Variants in RBPMS observed in about 807,000 individuals in gnomAD.
RBPMS encodes the protein RNA binding protein, mRNA processing factor, also known as RNA-binding protein with multiple splicing.
Under a neutral mutation model 26.8 loss-of-function variants are expected in RBPMS, and 7 were observed. That is an observed-to-expected ratio of 0.26 (90% CI 0.15 to 0.49). The LOEUF (loss-of-function observed/expected upper bound fraction) is 0.49, where lower values mean the gene tolerates loss of function less well. Among genes scored for constraint, RBPMS ranks in the 20% least tolerant of loss-of-function variants. The probability of loss-of-function intolerance (pLI) is 0.98; values close to 1 mark genes in which losing one functional copy is unlikely to be tolerated. For synonymous variants in RBPMS, 96 were observed against 93.3 expected (o/e 1.03, Z -0.17); for missense variants, 186 against 250.0 (o/e 0.74, Z 1.73).
chr8:30,412,954 C>G (rs1228883648), intron 1 of RBPMS, among the ~76,000 whole-genome samples: 1 of 152,172 alleles, frequency 6.6e-6, no homozygotes, highest in Non-Finnish European at 1.5e-5. Context: ...GCTGGAAGGT[C>G]ACCCAAGAAC....
intron 4 of RBPMS, among the ~76,000 whole-genome samples, chr8:30,498,356 A>G (rs1430497042): frequency 2.0e-5 from 3 of 152,186 alleles, no homozygotes; most frequent in Non-Finnish European, 4.4e-5. Flanking sequence ...CAATATTTAT[A>G]ATATATATTC....
intron 1 of RBPMS, among the ~76,000 whole-genome samples, chr8:30,414,986 C>T (rs1809892207): frequency 6.6e-6 from 1 of 152,138 alleles, no homozygotes; most frequent in African/African-American, 2.4e-5. Context: ...CTTCATTTCT[C>T]GTGGTCCTGC....
intron 1 of RBPMS, among the ~76,000 whole-genome samples, chr8:30,445,926 A>G (rs775509563): frequency 1.8e-4 from 28 of 152,016 alleles, no homozygotes; most frequent in Non-Finnish European, 3.5e-4. Context: ...CAGCCTCCCA[A>G]AGTGCTGGGA....
At chr8:30,539,511 C>T (rs1166871123) in intron 5 of RBPMS, among the ~76,000 whole-genome samples, 1 of 151,960 alleles carries the variant, frequency 6.6e-6, no homozygotes, top group African/African-American at 2.4e-5. Context: ...AGAATTAATC[C>T]TCAGTCTGGC....
At position 30,544,586 on chromosome 8, in the gene RBPMS, C is replaced by T. The variant is rs774911144; in HGVS notation, c.490C>T (p.Pro164Ser). 3.2e-5 allele frequency: 52 copies of T among 1,614,082 alleles called. No homozygotes were observed. The Admixed American group carries it at 7.5e-4, about 23-fold the overall frequency. The change falls in exon 6 of 9, where the codon CCT becomes TCT. Residue 164 changes from proline to serine, a missense_variant. Around this residue, in one of 3 missense-constraint regions of RBPMS, gnomAD observed 98 missense variants for 113.6 expected, o/e 0.86. Transcript: ENST00000397323. ...YPAELAPALP[P>S]PAFTYPASLH... ...AGCGGAGTTAGCGCCTGCTCTACCT[C>T]CTCCTGCTTTCACCTATCCCGCTTC...
intron 1 of RBPMS, among the ~76,000 whole-genome samples, chr8:30,448,878 C>G (rs1026298985): frequency 6.6e-6 from 1 of 152,204 alleles, no homozygotes; most frequent in Non-Finnish European, 1.5e-5. Flanking sequence ...CATTTCTTTT[C>G]TATGTCCAGA....
intron 1 of RBPMS, among the ~76,000 whole-genome samples, chr8:30,415,803 G>A (rs957743998): frequency 6.6e-6 from 1 of 152,198 alleles, no homozygotes; most frequent in African/African-American, 2.4e-5. Context: ...CTTTGAAAAG[G>A]ATGACTCCTT....
intron 5 of RBPMS, 85 bp downstream of exon 5, chr8:30,504,521 G>C (rs1245746054): frequency 7.5e-7 from 1 of 1,338,994 alleles, no homozygotes; most frequent in East Asian, 2.4e-5. Context: ...ATGGGACATG[G>C]AGCTGGCTGA....
chr8:30,449,912 TCA>T (rs1814345214), intron 1 of RBPMS, among the ~76,000 whole-genome samples: 2 of 152,252 alleles, frequency 1.3e-5, no homozygotes, highest in Non-Finnish European at 2.9e-5. Context: ...GAATTTGGTT[TCA>T]ACAGAAAATC....
chr8:30,517,809 T>C (rs867800653), intron 5 of RBPMS, among the ~76,000 whole-genome samples: 69 of 152,200 alleles, frequency 4.5e-4, no homozygotes, highest in African/African-American at 1.6e-3. Context: ...CTGGTGGTCT[T>C]CCGCTTTTAG....
At chr8:30,568,603 T>C (rs961375070) in intron 8 of RBPMS, among the ~76,000 whole-genome samples, 2 of 152,290 alleles carry the variant, frequency 1.3e-5, no homozygotes, top group Non-Finnish European at 2.9e-5. Context: ...TGACGTCCCA[T>C]CACCTGTATG....
chr8:30,424,316 T>C (rs1017724041), intron 1 of RBPMS, among the ~76,000 whole-genome samples: 1 of 152,178 alleles, frequency 6.6e-6, no homozygotes, highest in Non-Finnish European at 1.5e-5. Flanking sequence ...CAACATAGAG[T>C]TGCATATGGA....
intron 5 of RBPMS, among the ~76,000 whole-genome samples, chr8:30,511,282 C>G (rs1308510614): frequency 1.3e-5 from 2 of 151,570 alleles, no homozygotes; most frequent in African/African-American, 4.9e-5. Flanking sequence ...CCACTGCACC[C>G]CAGCCTGGGT....
chr8:30,473,720 TAAAG>T (rs1817388162), intron 1 of RBPMS, among the ~76,000 whole-genome samples: 1 of 151,998 alleles, frequency 6.6e-6, no homozygotes, highest in Non-Finnish European at 1.5e-5. Context: ...ATAGACTAAA[TAAAG>T]AAAATGTGGT....
chr8:30,489,239 G>A (rs7831068), intron 4 of RBPMS, among the ~76,000 whole-genome samples: 1,646 of 152,002 alleles, frequency 0.011, 32 homozygotes, highest in African/African-American at 0.036. Context: ...TAGAAGTGTT[G>A]TCTCTCTGTA....
chr8:30,539,872 C>A (rs1585813439), intron 5 of RBPMS, among the ~76,000 whole-genome samples: 1 of 152,142 alleles, frequency 6.6e-6, no homozygotes, highest in Admixed American at 6.6e-5. Flanking sequence ...GTGATCCACC[C>A]ACCTCCGCCT....
At chr8:30,548,464 C>A (rs1053544151) in intron 6 of RBPMS, among the ~76,000 whole-genome samples, 3 of 152,156 alleles carry the variant, frequency 2.0e-5, no homozygotes, top group Admixed American at 6.5e-5. Flanking sequence ...TTACCTAATT[C>A]CTTTTCAGAG....
At position 30,566,332 on chromosome 8, in the gene RBPMS, T is replaced by C. The variant is rs1209064342; in HGVS notation, c.*83T>C. 4 of 980,254 alleles carry C rather than the reference T, an allele frequency of 4.1e-6. No individual in the cohort carries two copies. Among genetic ancestry groups the C allele is most frequent in the Middle Eastern group, 5.2e-4 (1 of 1,934 alleles). The allele number at this position is 980,254 out of a possible 1,614,324, so 60.7% of individuals were successfully genotyped here. ...ATCTTCAGTGGTGGCTACTGTTCTC[T>C]AGCTGTTCTACAAAACTGGAGCATG... On this transcript the variant is annotated 3_prime_UTR_variant, in exon 8 of 9. Transcript: ENST00000397323.
At chr8:30,517,459 T>C (rs1357011770) in intron 5 of RBPMS, among the ~76,000 whole-genome samples, 1 of 152,144 alleles carries the variant, frequency 6.6e-6, no homozygotes, top group Non-Finnish European at 1.5e-5. Context: ...ATAGTTTAAT[T>C]AGTGGCTGAA....
Sources: gnomAD v4.1 joint callset for allele counts (sites outside exome capture counted in the v4.1 genomes callset) on GRCh38, gnomAD v4.1.1 for gene constraint, gnomAD v4.1.1 regional missense constraint, MANE v1.5 for transcripts, NCBI Gene and HGNC (gene_info 2026-07-23, HGNC 2026-07-21) for gene names.